The following PADI2 variants were observed in gnomAD, a reference collection of about 807,000 sequenced individuals.
The protein encoded by PADI2 is peptidyl arginine deiminase 2.
A neutral mutation model predicts 81.1 loss-of-function variants in PADI2; 70 were observed. The observed-to-expected ratio is 0.86, with a 90% confidence interval of 0.71 to 1.05. The LOEUF (loss-of-function observed/expected upper bound fraction) is 1.05. PADI2 is among the 50% of genes least tolerant of loss of function. The pLI, the probability that PADI2 is intolerant of heterozygous loss-of-function variation, is 0.00. For missense variants in PADI2, 853 were observed against 889.9 expected, an observed-to-expected ratio of 0.96 and a Z score of 0.53; for synonymous variants, 338 against 358.0, an observed-to-expected ratio of 0.94 and a Z score of 0.63.
At chr1:17,117,544 G>A (rs912402852) in intron 1 of PADI2, among the ~76,000 whole-genome samples, 13 of 152,130 alleles carry the variant, frequency 8.5e-5, no homozygotes, top group African/African-American at 3.1e-4. Flanking sequence ...TGTGGTCGTT[G>A]AGACAGGACA....
intron 7 of PADI2, 103 bp downstream of exon 7, chr1:17,086,418 C>T (rs1234012835): frequency 1.5e-5 from 15 of 971,446 alleles, no homozygotes; most frequent in Middle Eastern, 3.1e-4. Context: ...ACCCCTTTGG[C>T]GCTTTGAGCA....
intron 11 of PADI2, among the ~76,000 whole-genome samples, chr1:17,078,075 A>G (rs907646696): frequency 2.0e-5 from 3 of 152,068 alleles, no homozygotes; most frequent in Admixed American, 6.6e-5. Context: ...GGACTCCTCC[A>G]TCCCTTCCCC....
rs146969442 is a variant in PADI2, at chr1:17,079,462, C to T, written c.1159-47G>A. On this transcript the variant is annotated intron_variant, in intron 10 of 15. Transcript: ENST00000375486. ...GCGTTAGTCTTCTGCAGCCAGGGTCCTCAGCCCCCAAGCCAGCCACCCTCT... is the reference window on the plus strand; with the variant it reads ...GCGTTAGTCTTCTGCAGCCAGGGTCTTCAGCCCCCAAGCCAGCCACCCTCT... The T allele has an allele frequency of 1.8e-4, 276 of 1,527,244 alleles. No individual in the cohort carries two copies. In the African/African-American group the frequency reaches 3.6e-3, roughly 20 times the overall value. The allele number at this position is 1,527,244 out of a possible 1,614,324, so 94.6% of individuals were successfully genotyped here.
chr1:17,105,100 G>C (rs1307852814), intron 1 of PADI2, 39 bp from the exon 2 acceptor site: 1 of 1,423,262 alleles, frequency 7.0e-7, no homozygotes, highest in African/African-American at 1.4e-5. Context: ...GAGAGCCCTG[G>C]GGTAGGTGGG....
At chr1:17,070,253 G>A (rs371097662) in intron 14 of PADI2, 37 bp from the exon 15 acceptor site, 271 of 1,609,872 alleles carry the variant, frequency 1.7e-4, no homozygotes, top group Admixed American at 2.8e-4. Flanking sequence ...TGCAGGTGAG[G>A]GGGACACACA....
intron 14 of PADI2, among the ~76,000 whole-genome samples, chr1:17,070,446 C>T (rs2078257639): frequency 1.3e-5 from 2 of 152,198 alleles, no homozygotes; most frequent in African/African-American, 4.8e-5. Context: ...CAGCAGCTGC[C>T]ATTTCCTGAG....
At chr1:17,096,164 CCG>C (rs1930920739) in intron 3 of PADI2, among the ~76,000 whole-genome samples, 194 bp from the exon 4 acceptor site, 1 of 152,204 alleles carries the variant, frequency 6.6e-6, no homozygotes, top group South Asian at 2.1e-4. Context: ...TCAGCAGACA[CCG>C]TGTGGACCTC....
In PADI2 at chr1:17,119,355, G is replaced by A. The variant is rs1313194823; in HGVS notation, c.17C>T (p.Thr6Ile). Residue 6 changes from threonine to isoleucine, a missense_variant, in exon 1 of 16, where the codon ACC (threonine) becomes ATC (isoleucine). By Grantham distance (89) the Thr-to-Ile change is moderately conservative. Coordinates refer to ENST00000375486, the MANE Select transcript of PADI2 (RefSeq NM_007365.3). The surrounding 1 kb of genome is among the most constrained non-coding windows in gnomAD (Gnocchi z 4.8). ...GCGGCTCCCGTACTGCAGCCGCACG[G>A]TCCGCTCGCGCAGCATCCTCCCCGC... MLRERTVRLQYGSRVE... is the reference protein window; with the variant it reads MLRERIVRLQYGSRVE... The A allele has an allele frequency of 1.0e-5, 16 of 1,538,694 alleles. No individual in the cohort carries two copies. The highest frequency in any genetic ancestry group is 2.6e-5 in the East Asian group (1 of 38,500).
At chr1:17,093,170 A>G (rs1930767476) in intron 5 of PADI2, among the ~76,000 whole-genome samples, 1 of 150,858 alleles carries the variant, frequency 6.6e-6, no homozygotes, top group African/African-American at 2.4e-5. Flanking sequence ...ATCTTGGCTC[A>G]CTGCAATCTC....
At chr1:17,096,839 A>G (rs1382955828) in intron 3 of PADI2, among the ~76,000 whole-genome samples, 3 of 152,232 alleles carry the variant, frequency 2.0e-5, no homozygotes, top group Non-Finnish European at 2.9e-5. Context: ...TGGTTACAGC[A>G]GATGCATTAG....
intron 9 of PADI2, chr1:17,083,315 A>G (rs748414885): frequency 2.1e-5 from 4 of 190,886 alleles, no homozygotes; most frequent in African/African-American, 2.4e-5. Context: ...ACTGCACTCC[A>G]GCCTGGGTGA....
chr1:17,075,607 C>T, intron 12 of PADI2, 72 bp downstream of exon 12: 2 of 1,408,882 alleles, frequency 1.4e-6, no homozygotes, highest in Admixed American at 4.5e-5. Context: ...CTCTTGCCCT[C>T]TGCTGGCAGG....
intron 9 of PADI2, 113 bp downstream of exon 9, chr1:17,083,612 CA>C: frequency 2.8e-6 from 2 of 708,028 alleles, no homozygotes; most frequent in Non-Finnish European, 5.2e-6. Flanking sequence ...TATGAGCTGA[CA>C]GAAGAATCCC....
intron 1 of PADI2, among the ~76,000 whole-genome samples, chr1:17,111,621 T>C (rs1410655092): frequency 1.3e-5 from 2 of 152,142 alleles, no homozygotes; most frequent in Non-Finnish European, 2.9e-5. Flanking sequence ...ATTCTTAAAT[T>C]TGAGTGTGCA....
chr1:17,119,063 A>G lies in PADI2; in HGVS notation c.92+217T>C, dbSNP rs74059127. Among the ~76,000 whole-genome samples, 980 of 151,366 alleles carry G rather than the reference A, an allele frequency of 6.5e-3. 11 individuals are homozygous for G. Among genetic ancestry groups the G allele is most frequent in the African/African-American group, 0.023 (934 of 41,008 alleles). Reference sequence around the variant, plus strand: ...AGGGAGCTGGGGCTGAGGCTGTGTTAGGGGGTCTGGGAGAGTCTCAGGGTT... The same window carrying G: ...AGGGAGCTGGGGCTGAGGCTGTGTTGGGGGGTCTGGGAGAGTCTCAGGGTT... On this transcript the variant is annotated intron_variant, in intron 1 of 15. Transcript: ENST00000375486. This position sits in a 1 kb window ranked among gnomAD's most constrained non-coding sequence, Gnocchi z 4.8.
At chr1:17,104,425 C>CCTTTT (rs1351270548) in intron 2 of PADI2, among the ~76,000 whole-genome samples, 8 of 109,940 alleles carry the variant, frequency 7.3e-5, no homozygotes, top group South Asian at 3.5e-4. Context: ...TTTCTTTTTG[C>CCTTTT]CTTTTCTTTT....
intron 1 of PADI2, among the ~76,000 whole-genome samples, chr1:17,118,116 G>C (rs991417481): frequency 6.6e-6 from 1 of 152,196 alleles, no homozygotes; most frequent in Non-Finnish European, 1.5e-5. Flanking sequence ...GGGCTGCCAG[G>C]GCTGTGTGGG....
chr1:17,101,033 T>G (rs1931124859), intron 3 of PADI2, among the ~76,000 whole-genome samples: 1 of 151,766 alleles, frequency 6.6e-6, no homozygotes, highest in Non-Finnish European at 1.5e-5. Flanking sequence ...TCTCATTTTT[T>G]GGGGGGTGGG....
At chr1:17,077,044 C>A (rs2078309198) in intron 11 of PADI2, among the ~76,000 whole-genome samples, 1 of 152,132 alleles carries the variant, frequency 6.6e-6, no homozygotes, top group Non-Finnish European at 1.5e-5. Flanking sequence ...CTCCAGCCAC[C>A]TGCTACACTT....
Sources: allele counts gnomAD v4.1 joint callset (sites outside exome capture counted in the v4.1 genomes callset), GRCh38; gene constraint gnomAD v4.1.1; non-coding constraint Gnocchi (gnomAD v3.1); transcripts MANE v1.5; gene names NCBI Gene and HGNC (gene_info 2026-07-23, HGNC 2026-07-21).